Variants in PLCB4 observed in about 807,000 individuals in gnomAD.
PLCB4 encodes phospholipase C beta 4, also known as 1-phosphatidylinositol 4,5-bisphosphate phosphodiesterase beta-4.
A neutral mutation model predicts 178.8 loss-of-function variants in PLCB4; 77 were observed. That is an observed-to-expected ratio of 0.43 (90% CI 0.36 to 0.52). PLCB4 has a LOEUF of 0.52. PLCB4 is among the 20% of genes least tolerant of loss of function. The pLI is 0.00. For missense variants in PLCB4, 1,024 were observed against 1,453.4 expected (o/e 0.70, Z 4.80); for synonymous variants, 496 against 490.8 (o/e 1.01, Z -0.14).
intron 25 of PLCB4, among the ~76,000 whole-genome samples, chr20:9,417,958 G>A (rs911612067): frequency 6.6e-6 from 1 of 152,082 alleles, no homozygotes; most frequent in African/African-American, 2.4e-5. Flanking sequence ...GACTAATGAT[G>A]TTAGACATCT....
intron 1 of PLCB4, among the ~76,000 whole-genome samples, chr20:9,089,845 A>G (rs2090598314): frequency 6.6e-6 from 1 of 152,190 alleles, no homozygotes; most frequent in Non-Finnish European, 1.5e-5. Flanking sequence ...GGAATTGCTT[A>G]TAGCAGTTAA....
At chr20:9,211,534 C>A (rs2093673000) in intron 2 of PLCB4, among the ~76,000 whole-genome samples, 1 of 152,324 alleles carries the variant, frequency 6.6e-6, no homozygotes, top group South Asian at 2.1e-4. Flanking sequence ...TGTCCTACCC[C>A]ACTAGGTTCT....
chr20:9,312,390 A>ACG (rs139996785), intron 4 of PLCB4, among the ~76,000 whole-genome samples: 10,238 of 141,020 alleles, frequency 0.073, 382 homozygotes, highest in South Asian at 0.12. Flanking sequence ...ACACACACAC[A>ACG]CACACACGCA....
chr20:9,238,410 C>G (rs1161403856), intron 3 of PLCB4, among the ~76,000 whole-genome samples: 1 of 152,120 alleles, frequency 6.6e-6, no homozygotes, highest in Non-Finnish European at 1.5e-5. Context: ...GAGTTGACCC[C>G]CCCCCGAGGG....
At chr20:9,245,490 T>G (rs1374631241) in intron 3 of PLCB4, among the ~76,000 whole-genome samples, 2 of 152,150 alleles carry the variant, frequency 1.3e-5, no homozygotes, top group Non-Finnish European at 2.9e-5. Flanking sequence ...TTTAGTCACA[T>G]GCATCTCTAC....
At chr20:9,133,418 C>T (rs2092316944) in intron 2 of PLCB4, among the ~76,000 whole-genome samples, 1 of 147,308 alleles carries the variant, frequency 6.8e-6, no homozygotes, top group African/African-American at 2.5e-5. Flanking sequence ...CAGGTGCACA[C>T]CACCATGCCC....
chr20:9,155,153 T>A (rs909153724), intron 2 of PLCB4, among the ~76,000 whole-genome samples: 3 of 139,714 alleles, frequency 2.1e-5, no homozygotes, highest in Non-Finnish European at 4.7e-5. Context: ...TCTCTATGCC[T>A]TTGCTTACTT....
intron 2 of PLCB4, among the ~76,000 whole-genome samples, chr20:9,204,423 A>C (rs1428269308): frequency 6.6e-6 from 1 of 151,976 alleles, no homozygotes; most frequent in African/African-American, 2.4e-5. Context: ...CAGTGACACA[A>C]TCTCGGCTCA....
Position 9,331,988 on chromosome 20 carries a change from T to C in PLCB4, c.85-5138T>C, listed in dbSNP as rs532807597. Among the ~76,000 whole-genome samples the C allele has an allele frequency of 1.2e-3, 177 of 152,322 alleles. 1 individual carries two copies. Among genetic ancestry groups the C allele is most frequent in the African/African-American group, 3.7e-3 (155 of 41,584 alleles). ...GTCCCTTTCTAGCCTTGCTCTCTAG[T>C]GGCCTAAGAGTTGGGCTGGATGAGC... On this transcript the variant is annotated intron_variant, in intron 4 of 39. Transcript: ENST00000378473.
chr20:9,225,977 C>T (rs1340019987), intron 3 of PLCB4, among the ~76,000 whole-genome samples: 1 of 152,218 alleles, frequency 6.6e-6, no homozygotes, highest in Non-Finnish European at 1.5e-5. Context: ...AATAAACCCT[C>T]CCAGGAGAGG....
intron 2 of PLCB4, among the ~76,000 whole-genome samples, chr20:9,140,450 C>CT (rs2092465424): frequency 2.0e-5 from 3 of 152,182 alleles, no homozygotes; most frequent in Admixed American, 1.3e-4. Flanking sequence ...TAAGTGCTTG[C>CT]TATTTGCATG....
rs541105839 is a variant in PLCB4 at position 9,418,891 on chromosome 20, A to G, written c.2052-916A>G. On this transcript the variant is annotated intron_variant, in intron 25 of 39. Transcript: ENST00000378473. The stretch of plus-strand genomic sequence containing the variant: ...ATTGTAGACACTTATTTTTTTTAAA[A>G]AAGTTTATTCCTAAGTGGTTTATAT... 4.6e-5 allele frequency among the ~76,000 whole-genome samples: 7 copies of G among 152,240 alleles called. No homozygotes were observed. The South Asian group carries it at 1.4e-3, about 32-fold the overall frequency.
rs896805825 is a variant in PLCB4, at chr20:9,184,615, A to C, written c.-78-32775A>C. 3.2e-3 allele frequency among the ~76,000 whole-genome samples: 490 copies of C among 151,936 alleles called. 4 individuals are homozygous for C. The highest frequency in any genetic ancestry group is 0.011 in the African/African-American group (437 of 41,476). ...ATTGTGCCTCAAAAAAAAAAAAAAAAAAAAAACCTCTGGTTTTTATGATTA... is the reference window on the plus strand; with the variant it reads ...ATTGTGCCTCAAAAAAAAAAAAAAACAAAAAACCTCTGGTTTTTATGATTA... On this transcript the variant is annotated intron_variant, in intron 2 of 39. Coordinates refer to ENST00000378473, the MANE Select transcript of PLCB4 (RefSeq NM_001377142.1).
chr20:9,380,701 C>G (rs1375530441), intron 13 of PLCB4, among the ~76,000 whole-genome samples: 1 of 152,078 alleles, frequency 6.6e-6, no homozygotes, highest in African/African-American at 2.4e-5. Context: ...GCTTTGGAAA[C>G]AAAGGGTTGT....
At chr20:9,281,266 A>G (rs907466976) in intron 3 of PLCB4, among the ~76,000 whole-genome samples, 2 of 152,000 alleles carry the variant, frequency 1.3e-5, no homozygotes, top group Non-Finnish European at 1.5e-5. Context: ...ACCATCACAT[A>G]AAGTCTCTAT....
At chr20:9,181,205 T>A (rs1227947866) in intron 2 of PLCB4, among the ~76,000 whole-genome samples, 3 of 152,178 alleles carry the variant, frequency 2.0e-5, no homozygotes, top group Non-Finnish European at 4.4e-5. Flanking sequence ...GATATTAGTC[T>A]TTTTGAGACC....
chr20:9,311,208 T>C (rs2094829470), intron 4 of PLCB4, among the ~76,000 whole-genome samples: 1 of 152,192 alleles, frequency 6.6e-6, no homozygotes, highest in South Asian at 2.1e-4. Flanking sequence ...TTCCTAGAAT[T>C]CCTAGGTGCT....
At chr20:9,327,554 A>G (rs941024313) in intron 4 of PLCB4, among the ~76,000 whole-genome samples, 2 of 152,024 alleles carry the variant, frequency 1.3e-5, no homozygotes, top group Non-Finnish European at 2.9e-5. Context: ...AGGTGGGTGG[A>G]TCACGAGGTC....
At position 9,288,784 on chromosome 20, in the gene PLCB4, G is replaced by A. The variant is rs1472333841; in HGVS notation, c.-15-19016G>A. On this transcript the variant is annotated intron_variant, in intron 3 of 39. Transcript: ENST00000378473. ...ATCAGGATCAACATAAGAACATTGA[G>A]CTTAAAGACCAAAAGTTTCAGCTAC... 3.3e-5 allele frequency among the ~76,000 whole-genome samples: 5 copies of A among 152,090 alleles called. No homozygotes were observed. The East Asian group carries it at 9.7e-4, about 29-fold the overall frequency.
Sources: allele counts gnomAD v4.1 joint callset (sites outside exome capture counted in the v4.1 genomes callset), GRCh38; gene constraint gnomAD v4.1.1; transcripts MANE v1.5; gene names NCBI Gene and HGNC (gene_info 2026-07-23, HGNC 2026-07-21).